The following DENND1A variants were observed in gnomAD, a reference collection of about 807,000 sequenced individuals.
DENND1A encodes the protein DENN domain-containing protein 1A.
A neutral mutation model predicts 113.7 loss-of-function variants in DENND1A; 51 were observed. The ratio of observed to expected loss-of-function variants is 0.45; its 90% confidence interval spans 0.36 to 0.57. The LOEUF (loss-of-function observed/expected upper bound fraction) is 0.57, where lower values mean the gene tolerates loss of function less well. Ranked by LOEUF, DENND1A falls within the 20% of genes least tolerant of loss-of-function variation. DENND1A has a pLI of 0.00. For missense variants in DENND1A, 1,258 were observed against 1,395.9 expected, an observed-to-expected ratio of 0.90 and a Z score of 1.57; for synonymous variants, 565 against 570.8, an observed-to-expected ratio of 0.99 and a Z score of 0.14.
intron 11 of DENND1A, among the ~76,000 whole-genome samples, chr9:123,598,916 A>G (rs2059821635): frequency 6.6e-6 from 1 of 152,200 alleles, no homozygotes; most frequent in African/African-American, 2.4e-5. Context: ...CCAGGAGTCT[A>G]GGCACAGCTC....
intron 5 of DENND1A, among the ~76,000 whole-genome samples, chr9:123,677,087 A>G (rs1395524087): frequency 6.6e-6 from 1 of 152,230 alleles, no homozygotes; most frequent in Admixed American, 6.5e-5. Flanking sequence ...ATCTCTGAGA[A>G]GTCCCCTGGC....
At chr9:123,743,461 G>A (rs1251984526) in intron 5 of DENND1A, among the ~76,000 whole-genome samples, 1 of 151,878 alleles carries the variant, frequency 6.6e-6, no homozygotes, top group Non-Finnish European at 1.5e-5. Flanking sequence ...GCCGGGCGCG[G>A]TGGCTCACTC....
rs544456528 is a variant in DENND1A, at chr9:123,728,341, G to T, written c.302+29362C>A. 2.9e-4 allele frequency among the ~76,000 whole-genome samples: 44 copies of T among 151,486 alleles called. 2 individuals are homozygous for T. The South Asian group carries it at 8.1e-3, about 28-fold the overall frequency. Reference sequence around the variant, plus strand: ...AAAAATACAAAATTAGCCAGGCGTGGTGGCACATGCCTGTAATCCCAGCTA... The same window carrying T: ...AAAAATACAAAATTAGCCAGGCGTGTTGGCACATGCCTGTAATCCCAGCTA... On this transcript the variant is annotated intron_variant, in intron 5 of 23. Transcript: ENST00000394215.
At chr9:123,475,528 T>C (rs763416835) in intron 13 of DENND1A, among the ~76,000 whole-genome samples, 2 of 152,158 alleles carry the variant, frequency 1.3e-5, no homozygotes, top group Admixed American at 6.5e-5. Flanking sequence ...AAAAGCAAAG[T>C]GTGGACACCC....
intron 2 of DENND1A, among the ~76,000 whole-genome samples, chr9:123,802,375 C>T (rs1000635153): frequency 6.6e-6 from 1 of 152,096 alleles, no homozygotes; most frequent in Non-Finnish European, 1.5e-5. Context: ...AGACCATGCC[C>T]TCCTCCCTAC....
chr9:123,528,710 C>T (rs920252819), intron 13 of DENND1A, among the ~76,000 whole-genome samples: 2 of 152,210 alleles, frequency 1.3e-5, no homozygotes, highest in African/African-American at 4.8e-5. Flanking sequence ...CTGTTTTAAA[C>T]CCTTAAGTGG....
chr9:123,839,089 G>T (rs751035878), intron 2 of DENND1A, among the ~76,000 whole-genome samples: 1 of 152,180 alleles, frequency 6.6e-6, no homozygotes, highest in East Asian at 1.9e-4. Context: ...CCACACGCTC[G>T]AATCGACCTT....
At position 123,382,746 on chromosome 9, in the gene DENND1A, T is replaced by A. The variant is rs950938517; in HGVS notation, c.2020-121A>T. 37 of 1,086,808 alleles carry A rather than the reference T, an allele frequency of 3.4e-5. No homozygotes were observed. The Admixed American group carries it at 6.4e-4, about 19-fold the overall frequency. 67.3% of individuals were successfully genotyped at this position (1,086,808 alleles called of 1,614,324 possible). The stretch of plus-strand genomic sequence containing the variant: ...GGGCCTAGTTGTGTGGCTGATCAGC[T>A]CCTCGGACTTGGAACAGCTGAGGGC... On this transcript the variant is annotated intron_variant, in intron 23 of 23. Transcript: ENST00000394215.
intron 10 of DENND1A, among the ~76,000 whole-genome samples, chr9:123,617,046 G>C (rs1407216090): frequency 1.3e-5 from 2 of 152,214 alleles, no homozygotes; most frequent in Non-Finnish European, 2.9e-5. Context: ...ATTCACAGAG[G>C]AACCCATGGC....
At chr9:123,420,538 C>T (rs553357364) in intron 19 of DENND1A, among the ~76,000 whole-genome samples, 4 of 152,270 alleles carry the variant, frequency 2.6e-5, no homozygotes, top group Non-Finnish European at 4.4e-5. Flanking sequence ...CAGGGGCTCG[C>T]CAGTCCTGTC....
Position 123,403,411 on chromosome 9 carries a change from C to A in DENND1A, c.1622G>T (p.Ser541Ile). Residue 541 changes from serine (S) to isoleucine (I), a missense_variant, in exon 21 of 24, where the codon AGC (serine) becomes ATC (isoleucine). By Grantham distance (142) the Ser-to-Ile change is moderately radical. Coordinates refer to ENST00000394215, the MANE Select transcript of DENND1A (RefSeq NM_001352964.2). ...GAGGCACAATACTCACTGCTCAGGG[C>A]TCGGCACAGACGTCCTCCGGCCTTC... ...AVEGRRTSVP[S>I]PEHLVKPLRH... 1 of 1,614,122 alleles carries A rather than the reference C, an allele frequency of 6.2e-7. No homozygotes were observed. The highest frequency in any genetic ancestry group is 8.5e-7 in the Non-Finnish European group (1 of 1,180,006).
Position 123,453,130 on chromosome 9 carries a change from C to T in DENND1A, c.1228-783G>A, listed in dbSNP as rs911801864. The stretch of plus-strand genomic sequence containing the variant: ...TTTCTCAGTCTCATCCCTGCAGACA[C>T]GTCGTGAGGGTTCTGAAGACACCAG... On this transcript the variant is annotated intron_variant, in intron 16 of 23. Coordinates refer to ENST00000394215, the MANE Select transcript of DENND1A (RefSeq NM_001352964.2). Among the ~76,000 whole-genome samples the T allele has an allele frequency of 8.5e-5, 13 of 152,176 alleles. No homozygotes were observed. The South Asian group carries it at 1.0e-3, about 12-fold the overall frequency.
At chr9:123,861,984 T>C (rs1381848478) in intron 2 of DENND1A, among the ~76,000 whole-genome samples, 1 of 152,206 alleles carries the variant, frequency 6.6e-6, no homozygotes, top group African/African-American at 2.4e-5. Flanking sequence ...CAAATCATTT[T>C]AAGCTAGTAC....
intron 19 of DENND1A, among the ~76,000 whole-genome samples, chr9:123,429,538 C>T (rs1258708526): frequency 1.3e-5 from 2 of 152,076 alleles, no homozygotes; most frequent in African/African-American, 4.8e-5. Flanking sequence ...CTGGGTGACA[C>T]AGCAAGGCTC....
chr9:123,801,123 C>G (rs1398520451), intron 2 of DENND1A, among the ~76,000 whole-genome samples: 1 of 152,220 alleles, frequency 6.6e-6, no homozygotes, highest in Non-Finnish European at 1.5e-5. Flanking sequence ...ATTAGAGAAG[C>G]AGTGCCTATG....
intron 2 of DENND1A, among the ~76,000 whole-genome samples, chr9:123,824,862 T>C (rs1839056343): frequency 6.6e-6 from 1 of 152,208 alleles, no homozygotes; most frequent in Admixed American, 6.5e-5. Flanking sequence ...AACAATAGAA[T>C]AAAATTTCAT....
chr9:123,823,734 G>A (rs1590234393), intron 2 of DENND1A, among the ~76,000 whole-genome samples: 2 of 152,268 alleles, frequency 1.3e-5, no homozygotes, highest in Non-Finnish European at 2.9e-5. Flanking sequence ...CTTGATGCAG[G>A]TGATAGCGTG....
chr9:123,438,804 G>A (rs2046711307), intron 19 of DENND1A, among the ~76,000 whole-genome samples: 1 of 152,148 alleles, frequency 6.6e-6, no homozygotes, highest in Non-Finnish European at 1.5e-5. Flanking sequence ...TCTGCATTTA[G>A]CTGGGAATGA....
intron 8 of DENND1A, among the ~76,000 whole-genome samples, chr9:123,659,094 G>A (rs968792038): frequency 5.9e-5 from 9 of 152,288 alleles, no homozygotes; most frequent in Admixed American, 5.2e-4. Context: ...AACAGTGCCC[G>A]ATCTGATCCA....
Sources: gnomAD v4.1 joint callset for allele counts (sites outside exome capture counted in the v4.1 genomes callset) on GRCh38, gnomAD v4.1.1 for gene constraint, MANE v1.5 for transcripts, NCBI Gene and HGNC (gene_info 2026-07-23, HGNC 2026-07-21) for gene names.